Variants in NDUFA10 observed in about 807,000 individuals in gnomAD.
The protein encoded by NDUFA10 is NADH dehydrogenase [ubiquinone] 1 alpha subcomplex subunit 10, mitochondrial.
Under a neutral mutation model 47.8 loss-of-function variants are expected in NDUFA10, and 40 were observed. The observed-to-expected ratio is 0.84, with a 90% CI of 0.65 to 1.09. The LOEUF (loss-of-function observed/expected upper bound fraction) is 1.09. Among genes scored for constraint, NDUFA10 ranks in the 50% least tolerant of loss-of-function variants. The pLI, the probability that NDUFA10 is intolerant of heterozygous loss-of-function variation, is 0.00. For missense variants in NDUFA10, 413 were observed against 451.1 expected (o/e 0.92, Z 0.76); for synonymous variants, 183 against 172.2 (o/e 1.06, Z -0.49).
intron 9 of NDUFA10, chr2:239,973,693 C>T (rs1695395170): frequency 2.2e-6 from 1 of 449,502 alleles, no homozygotes. Flanking sequence ...CACAGTTTGT[C>T]TAATCCAAAG....
At chr2:239,913,579 C>T (rs1017797129) in intron 4 of NDUFA10, among the ~76,000 whole-genome samples, 9 of 152,352 alleles carry the variant, frequency 5.9e-5, no homozygotes, top group African/African-American at 1.9e-4. Flanking sequence ...CTCAATACTG[C>T]GGGGAGCTCT....
chr2:239,953,414 G>A (rs553269023), downstream of NDUFA10, among the ~76,000 whole-genome samples: 4 of 152,348 alleles, frequency 2.6e-5, no homozygotes, highest in East Asian at 3.9e-4. Context: ...TGCTTTAGCC[G>A]CAAAGTGCAA....
chr2:240,015,179 C>G (rs2106488686), intron 4 of NDUFA10, among the ~76,000 whole-genome samples: 1 of 152,336 alleles, frequency 6.6e-6, no homozygotes, highest in South Asian at 2.1e-4. Flanking sequence ...AGTAAAACAG[C>G]AGCATTTAAA....
intron 4 of NDUFA10, among the ~76,000 whole-genome samples, chr2:239,899,565 AG>A (rs1276007023): frequency 6.6e-6 from 1 of 152,022 alleles, no homozygotes. Flanking sequence ...CTTCCAGGCC[AG>A]GTACCTGGAA....
chr2:240,011,690 C>T lies in NDUFA10; in HGVS notation c.676G>A (p.Glu226Lys). Residue 226 changes from glutamate to lysine, a missense_variant, in exon 6 of 10, where the codon GAA becomes AAA. By Grantham distance (56) the Glu-to-Lys change is moderately conservative. Coordinates refer to ENST00000252711, the MANE Select transcript of NDUFA10 (RefSeq NM_004544.4). ...RRIQKKGDPHEMKITSAYLQD... is the reference protein window; with the variant it reads ...RRIQKKGDPHKMKITSAYLQD... ...AGATAGGCAGAGGTGATCTTCATTTCATGTGGCTAAACAGAAGCAGAAAAA... is the reference window on the plus strand; with the variant it reads ...AGATAGGCAGAGGTGATCTTCATTTTATGTGGCTAAACAGAAGCAGAAAAA... The T allele has an allele frequency of 6.2e-7, 1 of 1,612,204 alleles. No homozygotes were observed. The highest frequency in any genetic ancestry group is 8.5e-7 in the Non-Finnish European group (1 of 1,178,226).
intron 7 of NDUFA10, among the ~76,000 whole-genome samples, chr2:240,006,460 G>GCACGCTTGT (rs1403774832): frequency 6.6e-6 from 1 of 152,170 alleles, no homozygotes; most frequent in Non-Finnish European, 1.5e-5. Flanking sequence ...GGCAACTGAA[G>GCACGCTTGT]CACGCTTGTC....
At chr2:239,988,034 T>A (rs951233919) in intron 9 of NDUFA10, among the ~76,000 whole-genome samples, 8 of 152,092 alleles carry the variant, frequency 5.3e-5, no homozygotes, top group Admixed American at 2.0e-4. Context: ...AGAAAAAATA[T>A]AAAACAGTAA....
At chr2:239,911,680 C>CAT (rs533634813) in intron 4 of NDUFA10, among the ~76,000 whole-genome samples, 2 of 149,734 alleles carry the variant, frequency 1.3e-5, no homozygotes, top group Non-Finnish European at 3.0e-5. Context: ...AGTGTGTGTG[C>CAT]GTGTGTGTGT....
At chr2:239,914,896 CAT>C (rs62646510) in intron 4 of NDUFA10, among the ~76,000 whole-genome samples, 2 of 147,738 alleles carry the variant, frequency 1.4e-5, no homozygotes, top group East Asian at 2.0e-4. Context: ...CATACACACA[CAT>C]ACATACTCAG....
chr2:239,937,028 C>T (rs1249511021), intron 4 of NDUFA10, among the ~76,000 whole-genome samples: 1 of 152,226 alleles, frequency 6.6e-6, no homozygotes, highest in East Asian at 1.9e-4. Context: ...CAGCTGCCCT[C>T]CCCTCGTGTG....
At chr2:239,970,198 C>A (rs1039802276) in intron 9 of NDUFA10, among the ~76,000 whole-genome samples, 2 of 152,166 alleles carry the variant, frequency 1.3e-5, no homozygotes, top group Non-Finnish European at 2.9e-5. Context: ...CTAGGAAGAA[C>A]TGCAGTCTTC....
chr2:239,935,449 G>A (rs75597614), intron 4 of NDUFA10, among the ~76,000 whole-genome samples: 182 of 152,308 alleles, frequency 1.2e-3, no homozygotes, highest in African/African-American at 3.9e-3. Context: ...ATCGGGCCTC[G>A]GGGAGCAGCC....
intron 9 of NDUFA10, among the ~76,000 whole-genome samples, chr2:239,969,018 CAG>C (rs1695203990): frequency 6.6e-6 from 1 of 152,122 alleles, no homozygotes; most frequent in Admixed American, 6.5e-5. Flanking sequence ...TAACTGCTGT[CAG>C]AAAAAAAGTT....
At chr2:239,992,865 T>C (rs957526643) in intron 8 of NDUFA10, among the ~76,000 whole-genome samples, 3 of 152,190 alleles carry the variant, frequency 2.0e-5, no homozygotes, top group Non-Finnish European at 2.9e-5. Flanking sequence ...TCTAAACCAA[T>C]AATTTGGTCA....
chr2:239,948,520 C>T (rs1260083227), intron 4 of NDUFA10, among the ~76,000 whole-genome samples: 3 of 152,222 alleles, frequency 2.0e-5, no homozygotes, highest in Non-Finnish European at 4.4e-5. Flanking sequence ...TAAGTGGAGT[C>T]GCTGGAAAAC....
chr2:239,896,287 A>T (rs1693394719), intron 4 of NDUFA10, among the ~76,000 whole-genome samples: 1 of 152,246 alleles, frequency 6.6e-6, no homozygotes, highest in African/African-American at 2.4e-5. Context: ...CCAAAACACA[A>T]GTTCAAAGGC....
chr2:239,986,167 T>TA (rs1158125032), intron 9 of NDUFA10, among the ~76,000 whole-genome samples: 1 of 152,104 alleles, frequency 6.6e-6, no homozygotes, highest in Non-Finnish European at 1.5e-5. Context: ...GCCAGAAGTA[T>TA]AAAAAACAGT....
chr2:239,948,509 G>GT (rs778234226), intron 4 of NDUFA10, among the ~76,000 whole-genome samples: 1 of 152,268 alleles, frequency 6.6e-6, no homozygotes, highest in Non-Finnish European at 1.5e-5. Context: ...TTTTGCAGCT[G>GT]TAAGTGGAGT....
chr2:239,956,742 G>A (rs532292767), downstream of NDUFA10, among the ~76,000 whole-genome samples: 1 of 152,172 alleles, frequency 6.6e-6, no homozygotes, highest in African/African-American at 2.4e-5. Flanking sequence ...AAACGCGCTC[G>A]TTCTGGTGGG....
Sources: gnomAD v4.1 joint callset for allele counts (sites outside exome capture counted in the v4.1 genomes callset) on GRCh38, gnomAD v4.1.1 for gene constraint, MANE v1.5 for transcripts, NCBI Gene and HGNC (gene_info 2026-07-23, HGNC 2026-07-21) for gene names.